The following AK9 variants were observed in gnomAD, a reference collection of about 807,000 sequenced individuals.
The protein encoded by AK9 is adenylate kinase 9.
Under a neutral mutation model 239.6 loss-of-function variants are expected in AK9, and 191 were observed. The observed-to-expected ratio is 0.80, with a 90% confidence interval of 0.71 to 0.90. The LOEUF (loss-of-function observed/expected upper bound fraction) is 0.90. Ranked by LOEUF, AK9 falls within the 40% of genes least tolerant of loss-of-function variation. The pLI, the probability that AK9 is intolerant of heterozygous loss-of-function variation, is 0.00. For missense variants in AK9, 1,995 were observed against 2,214.7 expected (o/e 0.90, Z 1.99); for synonymous variants, 689 against 721.0 (o/e 0.96, Z 0.71).
At chr6:109,502,977 GTGTGTGTGTGTGTA>G (rs1777742752) in intron 35 of AK9, among the ~76,000 whole-genome samples, 3 of 149,850 alleles carry the variant, frequency 2.0e-5, no homozygotes, top group South Asian at 4.5e-4. Context: ...GTGTGTGTGT[GTGTGTGTGTGTGTA>G]TTATTTTCAG....
intron 10 of AK9, among the ~76,000 whole-genome samples, chr6:109,635,060 C>T (rs1271009053): frequency 6.6e-6 from 1 of 152,006 alleles, no homozygotes; most frequent in Non-Finnish European, 1.5e-5. Flanking sequence ...AGACTGAAAA[C>T]ATGAATTTAT....
chr6:109,635,187 C>G (rs771454723), intron 10 of AK9, among the ~76,000 whole-genome samples: 1 of 152,160 alleles, frequency 6.6e-6, no homozygotes, highest in South Asian at 2.1e-4. Context: ...TCAAGGCTGA[C>G]AGCTCACCAG....
chr6:109,603,184 T>C (rs1484569931), intron 17 of AK9, among the ~76,000 whole-genome samples: 1 of 152,220 alleles, frequency 6.6e-6, no homozygotes, highest in African/African-American at 2.4e-5. Flanking sequence ...TGCTCTGTTT[T>C]TTCCCCATCT....
chr6:109,654,883 T>C (rs914989412), intron 8 of AK9, among the ~76,000 whole-genome samples: 2 of 152,126 alleles, frequency 1.3e-5, no homozygotes, highest in African/African-American at 4.8e-5. Context: ...ACACTGAACT[T>C]TAGTGGTCTT....
chr6:109,600,134 G>A (rs1167732077), intron 17 of AK9, among the ~76,000 whole-genome samples: 2 of 152,152 alleles, frequency 1.3e-5, no homozygotes, highest in Non-Finnish European at 2.9e-5. Context: ...AGTGGTGAGA[G>A]AGGGCATCCC....
intron 24 of AK9, among the ~76,000 whole-genome samples, chr6:109,553,475 A>T (rs1784599652): frequency 6.6e-6 from 1 of 152,098 alleles, no homozygotes; most frequent in Non-Finnish European, 1.5e-5. Flanking sequence ...TGTGAATGGA[A>T]GTTCATTCAT....
intron 32 of AK9, among the ~76,000 whole-genome samples, chr6:109,512,198 G>A (rs1423293589): frequency 1.3e-5 from 2 of 152,210 alleles, no homozygotes; most frequent in African/African-American, 4.8e-5. Context: ...AGATGGCAAT[G>A]AGAGTGACCT....
intron 17 of AK9, among the ~76,000 whole-genome samples, chr6:109,600,932 T>C (rs12203481): frequency 0.046 from 7,062 of 152,284 alleles, 374 homozygotes; most frequent in East Asian, 0.23. Context: ...ATATCCCCTT[T>C]ATCATTTTTT....
chr6:109,507,772 T>C (rs891183581), intron 33 of AK9, among the ~76,000 whole-genome samples: 1 of 152,186 alleles, frequency 6.6e-6, no homozygotes, highest in Non-Finnish European at 1.5e-5. Flanking sequence ...TGAGTTCTTG[T>C]GGATGAACTG....
chr6:109,668,848 T>C (rs1487885228), intron 5 of AK9, among the ~76,000 whole-genome samples: 1 of 91,882 alleles, frequency 1.1e-5, no homozygotes, highest in African/African-American at 3.0e-5. Flanking sequence ...TCCAGCTTTG[T>C]TCTTTTGGCT....
intron 23 of AK9, 49 bp from the exon 24 acceptor site, chr6:109,563,761 T>C: frequency 6.6e-7 from 1 of 1,503,936 alleles, no homozygotes; most frequent in Non-Finnish European, 9.0e-7. Context: ...TAAAAAAGGT[T>C]ATTAGCATAT....
intron 17 of AK9, among the ~76,000 whole-genome samples, chr6:109,592,912 C>A (rs969137977): frequency 6.6e-6 from 1 of 152,034 alleles, no homozygotes; most frequent in Admixed American, 6.6e-5. Flanking sequence ...CTGTCTAGAT[C>A]TCTGACAAAA....
intron 28 of AK9, among the ~76,000 whole-genome samples, chr6:109,532,248 T>G (rs561350559): frequency 3.3e-5 from 5 of 152,330 alleles, no homozygotes; most frequent in African/African-American, 1.2e-4. Flanking sequence ...TCTTGATTCT[T>G]TTTGAAATGT....
intron 17 of AK9, among the ~76,000 whole-genome samples, chr6:109,604,554 AC>A (rs1404666280): frequency 6.6e-6 from 1 of 152,128 alleles, no homozygotes; most frequent in Non-Finnish European, 1.5e-5. Flanking sequence ...TTGTTTCTGT[AC>A]CCTCTTTGTA....
intron 12 of AK9, among the ~76,000 whole-genome samples, chr6:109,623,199 ATGATG>A (rs1481313250): frequency 1.3e-5 from 2 of 152,054 alleles, no homozygotes. Flanking sequence ...GACACATATT[ATGATG>A]TGATGGGTTT....
At chr6:109,514,475 G>A in intron 31 of AK9, 38 bp from the exon 32 acceptor site, 2 of 1,455,426 alleles carry the variant, frequency 1.4e-6, no homozygotes, top group East Asian at 2.5e-5. Flanking sequence ...AAGTTAGTTT[G>A]AATTTTTACA....
intron 29 of AK9, 78 bp downstream of exon 29, chr6:109,528,933 G>A (rs940107712): frequency 6.4e-7 from 1 of 1,569,108 alleles, no homozygotes; most frequent in Admixed American, 1.8e-5. Flanking sequence ...GTTGCAGTGA[G>A]CTATGATTGT....
intron 12 of AK9, among the ~76,000 whole-genome samples, chr6:109,630,938 G>A (rs1032335021): frequency 6.6e-6 from 1 of 152,084 alleles, no homozygotes; most frequent in African/African-American, 2.4e-5. Flanking sequence ...GGGACAAACA[G>A]TTGATAAAGG....
intron 29 of AK9, chr6:109,528,606 C>T (rs1473289388): frequency 2.2e-6 from 1 of 456,078 alleles, no homozygotes. Context: ...ATGCTTTGTG[C>T]CTGCAGTTGC....
Sources: gnomAD v4.1 joint callset for allele counts (sites outside exome capture counted in the v4.1 genomes callset) on GRCh38, gnomAD v4.1.1 for gene constraint, MANE v1.5 for transcripts, NCBI Gene and HGNC (gene_info 2026-07-23, HGNC 2026-07-21) for gene names.